The following ZBBX variants were observed in gnomAD, a reference collection of about 807,000 sequenced individuals.
ZBBX encodes the protein zinc finger B-box domain containing, also known as zinc finger B-box domain-containing protein 1.
In ZBBX, 101 loss-of-function variants were observed where a neutral mutation model predicts 108.5. The observed-to-expected ratio is 0.93, with a 90% CI of 0.79 to 1.10. The LOEUF (loss-of-function observed/expected upper bound fraction) is 1.10. Among genes scored for constraint, ZBBX ranks in the 50% least tolerant of loss-of-function variants. ZBBX has a pLI of 0.00. For synonymous variants in ZBBX, 356 were observed against 323.4 expected (o/e 1.10, Z -1.08); for missense variants, 1,009 against 941.4 (o/e 1.07, Z -0.94).
chr3:167,224,879 C>A, the ZBBX span, among the ~76,000 whole-genome samples: 2 of 151,832 alleles, frequency 1.3e-5, no homozygotes, highest in African/African-American at 4.8e-5. Flanking sequence ...CCCAGTCTAG[C>A]CTAATATCCC....
At chr3:167,277,438 G>A (rs1030005157) in intron 20 of ZBBX, among the ~76,000 whole-genome samples, 5 of 151,760 alleles carry the variant, frequency 3.3e-5, no homozygotes, top group Non-Finnish European at 7.4e-5. Context: ...AAAAAGGCAG[G>A]GATTGCAATC....
chr3:167,386,237 T>A (rs914951831), intron 1 of ZBBX, among the ~76,000 whole-genome samples: 1 of 151,908 alleles, frequency 6.6e-6, no homozygotes, highest in Non-Finnish European at 1.5e-5. Context: ...TTCTGGAAAT[T>A]TTCCCCTTCC....
the ZBBX span, among the ~76,000 whole-genome samples, chr3:167,178,759 T>C: frequency 2.6e-5 from 4 of 152,200 alleles, no homozygotes; most frequent in African/African-American, 9.6e-5. Context: ...CTTCTTTCTT[T>C]GCATCTGGTT....
intron 11 of ZBBX, among the ~76,000 whole-genome samples, 186 bp downstream of exon 11, chr3:167,327,756 A>G (rs1013156877): frequency 2.6e-5 from 4 of 151,998 alleles, no homozygotes; most frequent in Non-Finnish European, 5.9e-5. Flanking sequence ...TCTACTAAAA[A>G]TACAAAAATT....
At chr3:167,281,492 T>G (rs954332296) in intron 20 of ZBBX, among the ~76,000 whole-genome samples, 3 of 152,192 alleles carry the variant, frequency 2.0e-5, no homozygotes, top group Non-Finnish European at 4.4e-5. Flanking sequence ...GTGGAATATA[T>G]GGGACCAAAG....
chr3:167,243,014 A>T (rs1285253391), intron 20 of ZBBX, among the ~76,000 whole-genome samples: 5 of 152,194 alleles, frequency 3.3e-5, no homozygotes, highest in African/African-American at 1.2e-4. Context: ...TATAAGAAAT[A>T]AAAGCTTTAC....
intron 5 of ZBBX, among the ~76,000 whole-genome samples, 157 bp from the exon 6 acceptor site, chr3:167,366,133 A>G (rs952485138): frequency 1.3e-5 from 2 of 151,866 alleles, no homozygotes; most frequent in Non-Finnish European, 3.0e-5. Flanking sequence ...TAATGTCACA[A>G]TATCCTCAGT....
At position 167,240,575 on chromosome 3, in the gene ZBBX, T is replaced by C. The variant is rs1720501486; in HGVS notation, c.*218A>G. 2.7e-6 allele frequency: 1 copy of C among 373,326 alleles called. No individual in the cohort carries two copies. Among genetic ancestry groups the C allele is most frequent in the African/African-American group, 2.1e-5 (1 of 47,796 alleles). The allele number at this position is 373,326 out of a possible 1,614,324, so 23.1% of individuals were successfully genotyped here. A position where few individuals can be genotyped will look rare whatever the true frequency, so the allele number is the denominator to read the frequency against. ...TCAAATTCACCATATTTTACTAACA[T>C]AATCTGCAATATAGATTAGTGGTTG... is the stretch of plus-strand genomic sequence containing the variant. On this transcript the variant is annotated 3_prime_UTR_variant, in exon 22 of 22. Transcript: ENST00000675490.
chr3:167,181,842 G>A, the ZBBX span, among the ~76,000 whole-genome samples: 58 of 152,056 alleles, frequency 3.8e-4, no homozygotes, highest in Non-Finnish European at 6.6e-4. Flanking sequence ...TACTGTCCCC[G>A]CTGGCAAGGG....
rs188585970 is a variant in ZBBX, at chr3:167,272,914, G to A, written c.2254+9324C>T. On this transcript the variant is annotated intron_variant, in intron 20 of 21. Coordinates refer to ENST00000675490, the MANE Select transcript of ZBBX (RefSeq NM_001199201.2). ...AAAACCATATATTCGTTTTACTAAGGAGAGCACCTCCCCCAGTTGCCAGTG... is the reference window on the plus strand; with the variant it reads ...AAAACCATATATTCGTTTTACTAAGAAGAGCACCTCCCCCAGTTGCCAGTG... Among the ~76,000 whole-genome samples the A allele has an allele frequency of 5.3e-5, 8 of 152,240 alleles. No homozygotes were observed. The East Asian group carries it at 1.5e-3, about 29-fold the overall frequency.
the ZBBX span, among the ~76,000 whole-genome samples, chr3:167,215,837 A>G: frequency 1.4e-4 from 22 of 152,296 alleles, no homozygotes; most frequent in African/African-American, 5.1e-4. Context: ...ACAAAAATCA[A>G]TAAGTATGAT....
At chr3:167,390,145 G>A (rs1191712684) in intron 1 of ZBBX, among the ~76,000 whole-genome samples, 3 of 152,066 alleles carry the variant, frequency 2.0e-5, no homozygotes, top group Non-Finnish European at 4.4e-5. Context: ...TTTATATAAG[G>A]TGTAAGGAAA....
At chr3:167,350,657 C>G in intron 8 of ZBBX, 142 bp from the exon 9 acceptor site, 1 of 481,792 alleles carries the variant, frequency 2.1e-6, no homozygotes, top group East Asian at 3.6e-5. Flanking sequence ...AAGCCTGTCC[C>G]AGGCTTCTCA....
At chr3:167,184,797 C>A in the ZBBX span, among the ~76,000 whole-genome samples, 93 of 152,216 alleles carry the variant, frequency 6.1e-4, no homozygotes, top group African/African-American at 2.2e-3. Flanking sequence ...GGTAATACAG[C>A]CCATAAAAGT....
rs184583726 is a variant in ZBBX, at chr3:167,284,095, A to G, written c.1997-1600T>C. Among the ~76,000 whole-genome samples, 1,329 of 151,988 alleles carry G rather than the reference A, an allele frequency of 8.7e-3. 22 individuals are homozygous for G. Among genetic ancestry groups the G allele is most frequent in the African/African-American group, 0.03 (1,254 of 41,520 alleles). ...TAATTTTAATTGAAATAAAATTATG[A>G]GTAAGTTAAAATAAGACTGATCTTT... is the stretch of plus-strand genomic sequence containing the variant. On this transcript the variant is annotated intron_variant, in intron 19 of 21. Coordinates refer to ENST00000675490, the MANE Select transcript of ZBBX (RefSeq NM_001199201.2).
chr3:167,221,089 A>T, the ZBBX span, among the ~76,000 whole-genome samples: 1 of 152,006 alleles, frequency 6.6e-6, no homozygotes, highest in Non-Finnish European at 1.5e-5. Context: ...AAGATATTTT[A>T]TGTTCATGGA....
At position 167,366,770 on chromosome 3, in the gene ZBBX, A is replaced by G. The variant is rs565193233; in HGVS notation, c.183-794T>C. The G allele has an allele frequency of 2.6e-4, 115 of 450,906 alleles. 1 individual carries two copies. The highest frequency in any genetic ancestry group is 1.8e-3 in the South Asian group (112 of 63,838). The allele number at this position is 450,906 out of a possible 1,614,324, so 27.9% of individuals were successfully genotyped here. A position where few individuals can be genotyped will look rare whatever the true frequency, so the allele number is the denominator to read the frequency against. ...ATCTAGAAAAGCTTCCACAGCTAAG[A>G]AAAACTCACTATCAGGGCTGATTCC... On this transcript the variant is annotated intron_variant, in intron 5 of 21. Transcript: ENST00000675490.
At chr3:167,357,378 T>C (rs898948151) in intron 8 of ZBBX, among the ~76,000 whole-genome samples, 4 of 152,110 alleles carry the variant, frequency 2.6e-5, no homozygotes, top group Non-Finnish European at 4.4e-5. Flanking sequence ...GAATTGACCA[T>C]TGTATATGAG....
At chr3:167,262,267 CCTCTCAGGATTTCTGGTTTG>C (rs1724684269) in intron 20 of ZBBX, among the ~76,000 whole-genome samples, 1 of 152,150 alleles carries the variant, frequency 6.6e-6, no homozygotes, top group African/African-American at 2.4e-5. Context: ...GTCTGTGGGT[CCTCTCAGGATTTCTGGTTTG>C]CTCTTGCAGT....
Sources: gnomAD v4.1 joint callset for allele counts (sites outside exome capture counted in the v4.1 genomes callset) on GRCh38, gnomAD v4.1.1 for gene constraint, MANE v1.5 for transcripts, NCBI Gene and HGNC (gene_info 2026-07-23, HGNC 2026-07-21) for gene names.